The following KHNYN variants were observed in gnomAD, a reference collection of about 807,000 sequenced individuals.
KHNYN encodes KH and NYN domain containing, also known as protein KHNYN.
A neutral mutation model predicts 62.7 loss-of-function variants in KHNYN; 42 were observed. The ratio of observed to expected loss-of-function variants is 0.67; its 90% CI spans 0.52 to 0.87. The LOEUF (loss-of-function observed/expected upper bound fraction) is 0.87. Ranked by LOEUF, KHNYN falls within the 40% of genes least tolerant of loss-of-function variation. KHNYN has a pLI of 0.00. For synonymous variants in KHNYN, 347 were observed against 345.6 expected (o/e 1.00, Z -0.04); for missense variants, 829 against 874.1 (o/e 0.95, Z 0.65).
At chr14:24,435,945 T>C in intron 5 of KHNYN, 127 bp from the exon 6 acceptor site, 1 of 718,940 alleles carries the variant, frequency 1.4e-6, no homozygotes, top group East Asian at 2.5e-5. Context: ...AATACAGTTT[T>C]GCTACATAGA....
At chr14:24,427,854 G>A (rs2043035244), upstream of KHNYN, 2 of 1,614,094 alleles carry the variant, frequency 1.2e-6, no homozygotes, top group Non-Finnish European at 8.5e-7. The surrounding 1 kb of genome is among the most constrained non-coding windows in gnomAD (Gnocchi z 4.4). Flanking sequence ...AGATTCCCCC[G>A]ACGCAGGCGC....
chr14:24,425,993 T>A (rs987185027), upstream of KHNYN, among the ~76,000 whole-genome samples: 1 of 152,228 alleles, frequency 6.6e-6, no homozygotes, highest in African/African-American at 2.4e-5. Flanking sequence ...ATAGACAAAA[T>A]GCCTACTATA....
upstream of KHNYN, chr14:24,428,823 G>A (rs775718996): frequency 9.3e-6 from 15 of 1,612,676 alleles, no homozygotes; most frequent in Non-Finnish European, 1.3e-5. Context: ...TGGTGGCTTC[G>A]GACCGCAGCA....
chr14:24,428,001 C>T (rs2043038319), upstream of KHNYN: 6 of 1,609,340 alleles, frequency 3.7e-6, no homozygotes, highest in South Asian at 4.4e-5. Flanking sequence ...GGAGGGGAGC[C>T]CAGTTAGCCC....
chr14:24,425,765 T>C (rs756973141), upstream of KHNYN, among the ~76,000 whole-genome samples: 2 of 152,238 alleles, frequency 1.3e-5, no homozygotes, highest in Non-Finnish European at 2.9e-5. Context: ...CGATCAAGCC[T>C]GAGCAGTGAA....
upstream of KHNYN, chr14:24,428,258 C>T (rs201446309): frequency 1.8e-3 from 2,916 of 1,611,652 alleles, 6 homozygotes; most frequent in Non-Finnish European, 2.2e-3. Context: ...CCTCCTGAGC[C>T]GGGGATGGGG....
chr14:24,437,131 G>A lies in KHNYN; in HGVS notation c.1883G>A (p.Gly628Asp), dbSNP rs763135096. ...QGREEEKGSG[G>D]IRKTRETERL... ...AGAGAAGAGGAAAAAGGTAGTGGTG[G>A]CATTCGGAAGACCCGGGAAACAGAG... Residue 628 changes from glycine to aspartate, a missense_variant, in exon 8 of 8, where the codon GGC (glycine) becomes GAC (aspartate). Physicochemically the swap from Gly to Asp is moderately conservative, Grantham distance 94. Transcript: ENST00000553935. The surrounding 1 kb of genome is among the most constrained non-coding windows in gnomAD (Gnocchi z 5.5). 8 of 1,614,082 alleles carry A rather than the reference G, an allele frequency of 5.0e-6. No homozygotes were observed. In the East Asian group the frequency reaches 1.1e-4, roughly 22 times the overall value.
At chr14:24,429,410 A>ATG (rs978342310), upstream of KHNYN, 2 of 562,172 alleles carry the variant, frequency 3.6e-6, no homozygotes, top group Non-Finnish European at 6.8e-6. Context: ...AGAACATGGT[A>ATG]TGTGTGTGTG....
rs765299270 is a variant in KHNYN, at chr14:24,431,757, G to A, written c.496G>A (p.Ala166Thr). 1.9e-5 allele frequency: 31 copies of A among 1,614,056 alleles called. No individual in the cohort carries two copies. Among genetic ancestry groups the A allele is most frequent in the Non-Finnish European group, 2.5e-5 (30 of 1,180,050 alleles). The change falls in exon 3 of 8, where the codon GCC becomes ACC. Residue 166 changes from alanine (A) to threonine (T), a missense_variant. By Grantham distance (58) the Ala-to-Thr change is moderately conservative (BLOSUM62 0). This residue lies in a region of KHNYN where 559 missense variants were observed against 527.0 expected (regional missense o/e 1.06). Transcript: ENST00000553935. ...QCTGVLRDFS[A>T]LLQSPGDAHR... The stretch of plus-strand genomic sequence containing the variant: ...TACTGGAGTGCTGAGAGACTTCTCT[G>A]CCCTGCTGCAGTCCCCGGGGGATGC...
In KHNYN at chr14:24,432,598, A is replaced by C. The variant is rs1252203016; in HGVS notation, c.1337A>C (p.Asn446Thr). 6.2e-7 allele frequency: 1 copy of C among 1,606,682 alleles called. No homozygotes were observed. Among genetic ancestry groups the C allele is most frequent in the African/African-American group, 1.3e-5 (1 of 74,818 alleles). ...DLRHIVIDGSNVAMVHGLQHY... is the reference protein window; with the variant it reads ...DLRHIVIDGSTVAMVHGLQHY... The stretch of plus-strand genomic sequence containing the variant: ...CGCCATATTGTCATTGACGGCAGCA[A>C]CGTGGCCATGGTGTGAGTACCTGGT... The change falls in exon 3 of 8, where the codon AAC becomes ACC. Residue 446 changes from asparagine (N) to threonine (T), a missense_variant. Transcript: ENST00000553935. This position sits in a 1 kb window ranked among gnomAD's most constrained non-coding sequence, Gnocchi z 5.6.
chr14:24,441,060 T>C lies in KHNYN; in HGVS notation c.*3775T>C. The C allele has an allele frequency of 9.9e-7, 1 of 1,012,044 alleles. No homozygotes were observed. The highest frequency in any genetic ancestry group is 1.5e-6 in the Non-Finnish European group (1 of 656,748). The allele number at this position is 1,012,044 out of a possible 1,614,324, so 62.7% of individuals were successfully genotyped here. A position where few individuals can be genotyped will look rare whatever the true frequency, so the allele number is the denominator to read the frequency against. ...TTTGGAGACAGAGCCATTTGGATAT[T>C]TTCCCCTTGAACTTCTCCATGACCT... On this transcript the variant is annotated 3_prime_UTR_variant, in exon 8 of 8. Transcript: ENST00000553935.
chr14:24,428,873 C>T (rs779417158), upstream of KHNYN: 42 of 1,603,600 alleles, frequency 2.6e-5, no homozygotes, highest in Middle Eastern at 5.0e-4. Flanking sequence ...CAGGGCTGCT[C>T]CCCCGGGCCC....
At chr14:24,430,141 G>C (rs1300847866) in intron 1 of KHNYN, 22 bp downstream of exon 1, 12 of 983,462 alleles carry the variant, frequency 1.2e-5, no homozygotes, top group Non-Finnish European at 1.4e-5. Flanking sequence ...CCTCCACCGC[G>C]CCCGGGAGCG....
In KHNYN at chr14:24,433,045, C is replaced by T. The variant is rs750901106; in HGVS notation, c.1577+13C>T. ...CCTATGATGACAGGTACTTGCTCCT[C>T]TCCTGGCCCCAGGCTTGATATTGAA... On this transcript the variant is annotated intron_variant, in intron 5 of 7. Coordinates refer to ENST00000553935, the MANE Select transcript of KHNYN (RefSeq NM_015299.3). 1.1e-5 allele frequency: 18 copies of T among 1,607,204 alleles called. No homozygotes were observed. The highest frequency in any genetic ancestry group is 1.1e-4 in the South Asian group (10 of 90,962).
Position 24,432,468 on chromosome 14 carries a change from G to A in KHNYN, c.1207G>A (p.Gly403Ser), listed in dbSNP as rs1475039579. 3 of 1,613,476 alleles carry A rather than the reference G, an allele frequency of 1.9e-6. No homozygotes were observed. Among genetic ancestry groups the A allele is most frequent in the South Asian group, 2.2e-5 (2 of 91,086 alleles). The part of the protein sequence containing the change: ...ARGRGPQWKR[G>S]ARGGNLVTGT... ...GGGTCGGGGGCCTCAATGGAAACGA[G>A]GCGCCCGAGGGGGCAACTTGGTGAC... The change falls in exon 3 of 8, where the codon GGC becomes AGC. Residue 403 changes from glycine to serine, a missense_variant. Transcript: ENST00000553935. The surrounding 1 kb of genome is among the most constrained non-coding windows in gnomAD (Gnocchi z 5.6).
In KHNYN at chr14:24,440,122, G is replaced by T. The variant is rs746078446; in HGVS notation, c.*2837G>T. On this transcript the variant is annotated 3_prime_UTR_variant, in exon 8 of 8. Coordinates refer to ENST00000553935, the MANE Select transcript of KHNYN (RefSeq NM_015299.3). ...CCTTTAAGGCAGCCCCTAGCTCTGG[G>T]AAGGAATACTGGTAGCCAGTGGCCA... The T allele has an allele frequency of 1.9e-6, 3 of 1,611,096 alleles. No individual in the cohort carries two copies. The highest frequency in any genetic ancestry group is 3.3e-5 in the Admixed American group (2 of 59,898).
chr14:24,428,553 T>A, upstream of KHNYN: 1 of 1,127,294 alleles, frequency 8.9e-7, no homozygotes, highest in Non-Finnish European at 1.2e-6. Context: ...AAAGAAATGG[T>A]GAGAAGGGGC....
chr14:24,432,656 C>T lies in KHNYN; in HGVS notation c.1349+46C>T. 1 of 1,613,126 alleles carries T rather than the reference C, an allele frequency of 6.2e-7. No homozygotes were observed. Among genetic ancestry groups the T allele is most frequent in the African/African-American group, 1.3e-5 (1 of 75,034 alleles). On this transcript the variant is annotated intron_variant, in intron 3 of 7. Coordinates refer to ENST00000553935, the MANE Select transcript of KHNYN (RefSeq NM_015299.3). The surrounding 1 kb of genome is among the most constrained non-coding windows in gnomAD (Gnocchi z 5.6). The stretch of plus-strand genomic sequence containing the variant: ...AGGGCCTAGGAGAGGGAGGATATGT[C>T]CTGAGGGGCTGGCATTGTAGCCAGG...
Position 24,431,610 on chromosome 14 carries a change from G to T in KHNYN, c.349G>T (p.Gly117Cys). 1 of 1,613,536 alleles carries T rather than the reference G, an allele frequency of 6.2e-7. No individual in the cohort carries two copies. The highest frequency in any genetic ancestry group is 1.1e-5 in the South Asian group (1 of 91,074). ...AGCCCATCTGGTGCCCAGGGCGCCA[G>T]GCTCACTGATGATCAGTGGCCTGAC... Reference protein sequence around the residue: ...TSAHLVPRAPGSLMISGLTEA... With the variant: ...TSAHLVPRAPCSLMISGLTEA... The change falls in exon 3 of 8, where the codon GGC becomes TGC. Residue 117 changes from glycine (G) to cysteine (C), a missense_variant. Gly to Cys is a radical substitution (Grantham distance 159, BLOSUM62 -3). Around this residue, in one of 2 missense-constraint regions of KHNYN, gnomAD observed 559 missense variants for 527.0 expected, o/e 1.06. Transcript: ENST00000553935.
Sources: allele counts gnomAD v4.1 joint callset (sites outside exome capture counted in the v4.1 genomes callset), GRCh38; gene constraint gnomAD v4.1.1; regional missense constraint gnomAD v4.1.1; non-coding constraint Gnocchi (gnomAD v3.1); transcripts MANE v1.5; gene names NCBI Gene and HGNC (gene_info 2026-07-23, HGNC 2026-07-21).